The following ERO1B variants were observed in gnomAD, a reference collection of about 807,000 sequenced individuals.
ERO1B encodes the protein ERO1-like protein beta.
A neutral mutation model predicts 75.3 loss-of-function variants in ERO1B; 49 were observed. The observed-to-expected ratio is 0.65, with a 90% CI of 0.52 to 0.83. The LOEUF is 0.83. Among genes scored for constraint, ERO1B ranks in the 40% least tolerant of loss-of-function variants. The pLI is 0.00. For synonymous variants in ERO1B, 191 were observed against 192.9 expected, an observed-to-expected ratio of 0.99 and a Z score of 0.08; for missense variants, 512 against 560.1, an observed-to-expected ratio of 0.91 and a Z score of 0.87.
chr1:236,218,641 T>C, intron 15 of ERO1B, 65 bp from the exon 16 acceptor site: 1 of 1,192,768 alleles, frequency 8.4e-7, no homozygotes. Flanking sequence ...AAATTATTGA[T>C]ATTGTTACAT....
intron 10 of ERO1B, among the ~76,000 whole-genome samples, chr1:236,227,529 TTAAA>T (rs992056542): frequency 4.6e-5 from 7 of 152,234 alleles, no homozygotes; most frequent in African/African-American, 1.4e-4. Context: ...TGGTAAATTC[TTAAA>T]TAAATAAAAA....
intron 7 of ERO1B, 65 bp downstream of exon 7, chr1:236,236,213 C>A: frequency 5.6e-6 from 9 of 1,599,272 alleles, no homozygotes; most frequent in Non-Finnish European, 7.7e-6. Flanking sequence ...AGGCGTGAGC[C>A]ACAGCACCCG....
chr1:236,230,314 G>T, intron 9 of ERO1B, 64 bp from the exon 10 acceptor site: 2 of 1,406,064 alleles, frequency 1.4e-6, no homozygotes, highest in Non-Finnish European at 2.0e-6. Flanking sequence ...AATAAATTAG[G>T]TTTATAAAAT....
At chr1:236,235,526 G>A (rs1664518026) in intron 8 of ERO1B, among the ~76,000 whole-genome samples, 1 of 152,046 alleles carries the variant, frequency 6.6e-6, no homozygotes, top group African/African-American at 2.4e-5. Flanking sequence ...GATATATATT[G>A]ATTACTCACA....
chr1:236,281,626 G>T, intron 1 of ERO1B, 56 bp downstream of exon 1: 1 of 1,202,918 alleles, frequency 8.3e-7, no homozygotes, highest in Non-Finnish European at 1.1e-6. Context: ...CGGCCCGTGT[G>T]TAGCGGCCGC....
At chr1:236,248,867 T>C (rs1418118935) in intron 5 of ERO1B, among the ~76,000 whole-genome samples, 2 of 152,152 alleles carry the variant, frequency 1.3e-5, no homozygotes, top group African/African-American at 4.8e-5. Context: ...AAAATGTTAA[T>C]ATTTATTTAC....
intron 1 of ERO1B, among the ~76,000 whole-genome samples, chr1:236,274,261 G>C (rs950061067): frequency 1.1e-4 from 17 of 152,122 alleles, no homozygotes; most frequent in Non-Finnish European, 1.8e-4. Context: ...TGGGATTGCA[G>C]GTGTGAGCCA....
At chr1:236,277,177 G>A (rs953261756) in intron 1 of ERO1B, among the ~76,000 whole-genome samples, 2 of 152,184 alleles carry the variant, frequency 1.3e-5, no homozygotes, top group African/African-American at 2.4e-5. Context: ...GCCAAGGCAG[G>A]CAGATCACTT....
intron 1 of ERO1B, among the ~76,000 whole-genome samples, chr1:236,271,140 T>C (rs1185189597): frequency 6.6e-6 from 1 of 152,098 alleles, no homozygotes; most frequent in Non-Finnish European, 1.5e-5. Context: ...TTGGGATAAA[T>C]AGATAAAGAG....
chr1:236,243,462 T>G lies in ERO1B; in HGVS notation c.465A>C (p.Ala155=), dbSNP rs1297557092. ...AGTGATCCCGTGAATCATCATATCT[T>G]GCCCAGTCAATGAAAGCTTCTTTGC... is the stretch of plus-strand genomic sequence containing the variant. ...NQSKEAFIDW[A]RYDDSRDHFC... Residue 155 remains alanine, a synonymous_variant, in exon 6 of 16, where the codon GCA becomes GCC. Transcript: ENST00000354619. 6.2e-7 allele frequency: 1 copy of G among 1,605,340 alleles called. No individual in the cohort carries two copies. The highest frequency in any genetic ancestry group is 8.5e-7 in the Non-Finnish European group (1 of 1,175,442).
intron 2 of ERO1B, among the ~76,000 whole-genome samples, chr1:236,267,471 C>T (rs1665473655): frequency 6.6e-6 from 1 of 151,996 alleles, no homozygotes; most frequent in Admixed American, 6.6e-5. Context: ...CTGACCAAGC[C>T]TGCTAGGGAT....
At chr1:236,275,717 C>T (rs1220599808) in intron 1 of ERO1B, among the ~76,000 whole-genome samples, 1 of 152,168 alleles carries the variant, frequency 6.6e-6, no homozygotes, top group Non-Finnish European at 1.5e-5. Flanking sequence ...TAAGTCATTT[C>T]ATTACTATAA....
At chr1:236,258,149 C>CAAAAAAAAAAAAAA (rs58531434) in intron 2 of ERO1B, among the ~76,000 whole-genome samples, 10 of 96,560 alleles carry the variant, frequency 1.0e-4, no homozygotes, top group African/African-American at 1.9e-4. Flanking sequence ...AAAAACAAAG[C>CAAAAAAAAAAAAAA]AAAAAAAAAA....
intron 2 of ERO1B, among the ~76,000 whole-genome samples, chr1:236,260,852 A>AAAAT (rs71559930): frequency 6.6e-6 from 1 of 151,638 alleles, no homozygotes; most frequent in Admixed American, 6.6e-5. Flanking sequence ...ACACTACAAA[A>AAAAT]AAATAAACAA....
chr1:236,230,831 G>A (rs1353970065), intron 9 of ERO1B, among the ~76,000 whole-genome samples: 1 of 151,720 alleles, frequency 6.6e-6, no homozygotes, highest in African/African-American at 2.4e-5. Context: ...CAGTGGCTTG[G>A]ACCTGTAGCC....
Position 236,253,403 on chromosome 1 carries a change from G to C in ERO1B, c.306+19C>G, listed in dbSNP as rs760195998. 2.0e-6 allele frequency: 3 copies of C among 1,512,934 alleles called. No individual in the cohort carries two copies. The highest frequency in any genetic ancestry group is 2.7e-6 in the Non-Finnish European group (3 of 1,098,128). 93.7% of individuals were successfully genotyped at this position (1,512,934 alleles called of 1,614,324 possible). A position where few individuals can be genotyped will look rare whatever the true frequency, so the allele number is the denominator to read the frequency against. ...TCCAAGAGAAAATTGGCTTTGCCCT[G>C]TTATTTTATTTATTATACCTCTGGA... On this transcript the variant is annotated intron_variant, in intron 3 of 15. Transcript: ENST00000354619.
At chr1:236,264,850 A>C (rs1665396242) in intron 2 of ERO1B, among the ~76,000 whole-genome samples, 8 of 152,064 alleles carry the variant, frequency 5.3e-5, no homozygotes, top group Admixed American at 5.2e-4. Context: ...TCTCCAAAAA[A>C]AAAGAAGGGT....
chr1:236,220,897 A>G lies in ERO1B; in HGVS notation c.1278T>C (p.Asn426=). The change falls in exon 15 of 16, where the codon AAT becomes AAC. Residue 426 remains asparagine (N), a synonymous_variant. Coordinates refer to ENST00000354619, the MANE Select transcript of ERO1B (RefSeq NM_019891.4). Reference sequence around the variant, plus strand: ...TGAGTTGGAAGCCTTTAGATGGACTATTCTCTGGAAGCTTTTGGATTTCTT... The same window carrying G: ...TGAGTTGGAAGCCTTTAGATGGACTGTTCTCTGGAAGCTTTTGGATTTCTT... The part of the protein sequence containing the change: ...SEKEIQKLPE[N]SPSKGFQLTR... 6.2e-7 allele frequency: 1 copy of G among 1,604,704 alleles called. No individual in the cohort carries two copies. Among genetic ancestry groups the G allele is most frequent in the Non-Finnish European group, 8.5e-7 (1 of 1,175,728 alleles).
intron 3 of ERO1B, 101 bp downstream of exon 3, chr1:236,253,321 C>T: frequency 1.4e-6 from 1 of 694,268 alleles, no homozygotes; most frequent in Non-Finnish European, 2.5e-6. Flanking sequence ...TTTGCTGACA[C>T]ATCCAAATCC....
Sources: gnomAD v4.1 joint callset for allele counts (sites outside exome capture counted in the v4.1 genomes callset) on GRCh38, gnomAD v4.1.1 for gene constraint, MANE v1.5 for transcripts, NCBI Gene and HGNC (gene_info 2026-07-23, HGNC 2026-07-21) for gene names.